MLLT3: variants seen among roughly 807,000 people sequenced by gnomAD.
MLLT3 encodes the protein protein AF-9.
MLLT3 carries 4 observed loss-of-function variants against 53.2 expected under a neutral mutation model. That is an observed-to-expected ratio of 0.08 (90% confidence interval 0.04 to 0.17). MLLT3 has a LOEUF of 0.17. MLLT3 is among the 10% of genes least tolerant of loss of function. The probability of loss-of-function intolerance (pLI) is 1.00; values close to 1 mark genes in which losing one functional copy is unlikely to be tolerated. For missense variants in MLLT3, 569 were observed against 684.0 expected (o/e 0.83, Z 1.87); for synonymous variants, 283 against 230.6 (o/e 1.23, Z -2.06).
At chr9:20,362,528 T>G (rs1271602586) in intron 7 of MLLT3, among the ~76,000 whole-genome samples, 1 of 152,050 alleles carries the variant, frequency 6.6e-6, no homozygotes. Flanking sequence ...ATTCTCCTAT[T>G]TAAAAGGAAT....
At chr9:20,518,506 G>C (rs1301696243) in intron 2 of MLLT3, among the ~76,000 whole-genome samples, 2 of 152,032 alleles carry the variant, frequency 1.3e-5, no homozygotes, top group African/African-American at 4.8e-5. Flanking sequence ...AAAAATAAGT[G>C]GGCAAAATTT....
At position 20,621,929 on chromosome 9, in the gene MLLT3, G is replaced by A; in HGVS notation, c.12+316C>T. On this transcript the variant is annotated intron_variant, in intron 1 of 10. Coordinates refer to ENST00000380338, the MANE Select transcript of MLLT3 (RefSeq NM_004529.4). This position sits in a 1 kb window ranked among gnomAD's most constrained non-coding sequence, Gnocchi z 7.0. ...TGTGTGTGTGTGTGTGTGAGTGCGC[G>A]CGTGTGAGCGAGAGGGAGTGTGTGA... is the stretch of plus-strand genomic sequence containing the variant. The A allele has an allele frequency of 7.2e-7, 1 of 1,384,026 alleles. No homozygotes were observed. 85.7% of individuals were successfully genotyped at this position (1,384,026 alleles called of 1,614,324 possible).
At chr9:20,352,247 G>C (rs534168938) in intron 10 of MLLT3, among the ~76,000 whole-genome samples, 1 of 152,196 alleles carries the variant, frequency 6.6e-6, no homozygotes, top group Admixed American at 6.5e-5. Context: ...CCTCCTATGA[G>C]ACTCACTATT....
chr9:20,402,486 G>C (rs1322678246), intron 5 of MLLT3, among the ~76,000 whole-genome samples: 1 of 152,196 alleles, frequency 6.6e-6, no homozygotes, highest in African/African-American at 2.4e-5. Flanking sequence ...GAACCTGGAG[G>C]GTGGAACGGA....
chr9:20,485,911 T>C (rs1173216307), intron 2 of MLLT3, among the ~76,000 whole-genome samples: 2 of 152,194 alleles, frequency 1.3e-5, no homozygotes, highest in Non-Finnish European at 2.9e-5. Context: ...TATAACAGGG[T>C]TGAGCAAACA....
At chr9:20,472,110 G>C (rs1030994827) in intron 2 of MLLT3, among the ~76,000 whole-genome samples, 3 of 151,932 alleles carry the variant, frequency 2.0e-5, no homozygotes, top group African/African-American at 4.8e-5. Context: ...GCTTCATTTA[G>C]ATAATGTGTT....
intron 4 of MLLT3, among the ~76,000 whole-genome samples, chr9:20,431,771 ATGATATAATCACTCT>A (rs1823276992): frequency 6.6e-6 from 1 of 152,318 alleles, no homozygotes; most frequent in Admixed American, 6.5e-5. Context: ...TACACAACTC[ATGATATAATCACTCT>A]TTGGACTATG....
chr9:20,366,432 T>A (rs969933935), intron 5 of MLLT3, among the ~76,000 whole-genome samples: 3 of 152,090 alleles, frequency 2.0e-5, no homozygotes, highest in African/African-American at 7.2e-5. Flanking sequence ...ATGTTCTTTA[T>A]CCAGTCTATC....
rs1006564038 is a variant in MLLT3 at position 20,342,709 on chromosome 9, C to T, written c.*3734G>A. The T allele has an allele frequency of 1.9e-5, 4 of 208,552 alleles. No homozygotes were observed. Among genetic ancestry groups the T allele is most frequent in the Admixed American group, 1.8e-4 (3 of 16,904 alleles). The allele number at this position is 208,552 out of a possible 1,614,324, so 12.9% of individuals were successfully genotyped here. On this transcript the variant is annotated 3_prime_UTR_variant, in exon 11 of 11. Transcript: ENST00000380338. ...AGGTCAAAAGATGTAGACTTCCAGC[C>T]CGAGACTAAACTAAACCATGGGAAT...
chr9:20,500,752 G>T (rs925175064), intron 2 of MLLT3, among the ~76,000 whole-genome samples: 2 of 151,942 alleles, frequency 1.3e-5, no homozygotes, highest in Non-Finnish European at 2.9e-5. Flanking sequence ...ATTGACTTTG[G>T]TCCTCCAGGT....
chr9:20,478,413 A>T (rs1448385757), intron 2 of MLLT3, among the ~76,000 whole-genome samples: 2 of 152,174 alleles, frequency 1.3e-5, no homozygotes, highest in East Asian at 3.8e-4. Flanking sequence ...AGAGATGCTC[A>T]CTAACCACAG....
intron 2 of MLLT3, among the ~76,000 whole-genome samples, chr9:20,567,081 G>C (rs1250539630): frequency 6.6e-6 from 1 of 150,828 alleles, no homozygotes; most frequent in East Asian, 2.0e-4. Flanking sequence ...TAGAAAGTGG[G>C]TCTGAATTGT....
chr9:20,605,018 T>C (rs1820526416), intron 2 of MLLT3, among the ~76,000 whole-genome samples: 1 of 152,130 alleles, frequency 6.6e-6, no homozygotes, highest in Non-Finnish European at 1.5e-5. Context: ...GAAAACTTTT[T>C]AGCTATTCAA....
chr9:20,494,932 GA>G (rs1249016982), intron 2 of MLLT3, among the ~76,000 whole-genome samples: 1 of 152,094 alleles, frequency 6.6e-6, no homozygotes, highest in African/African-American at 2.4e-5. Context: ...TATGCAAGAT[GA>G]TTTTTTTTCC....
chr9:20,424,563 A>G (rs1290234612), intron 4 of MLLT3, among the ~76,000 whole-genome samples: 1 of 152,206 alleles, frequency 6.6e-6, no homozygotes, highest in Non-Finnish European at 1.5e-5. Flanking sequence ...GGGCCCCTAT[A>G]GGCTGTCATT....
intron 10 of MLLT3, among the ~76,000 whole-genome samples, chr9:20,351,067 T>G (rs1821016036): frequency 6.6e-6 from 1 of 152,146 alleles, no homozygotes; most frequent in Admixed American, 6.5e-5. Flanking sequence ...GCCCTACCCT[T>G]GGTTAAGGGA....
intron 2 of MLLT3, among the ~76,000 whole-genome samples, chr9:20,585,175 T>A (rs2131178818): frequency 6.6e-6 from 1 of 152,282 alleles, no homozygotes; most frequent in South Asian, 2.1e-4. Context: ...CTGTTTCCGG[T>A]GAGGACTCTC....
chr9:20,407,808 G>A (rs992518052), intron 5 of MLLT3, among the ~76,000 whole-genome samples: 5 of 152,074 alleles, frequency 3.3e-5, no homozygotes, highest in African/African-American at 1.2e-4. Flanking sequence ...CTCGAGGGGT[G>A]AATGAGTTAA....
intron 2 of MLLT3, among the ~76,000 whole-genome samples, chr9:20,553,526 T>C (rs1408415710): frequency 6.6e-6 from 1 of 152,192 alleles, no homozygotes; most frequent in African/African-American, 2.4e-5. Context: ...ACAAACACAC[T>C]GAACACCTCC....
Sources: allele counts gnomAD v4.1 joint callset (sites outside exome capture counted in the v4.1 genomes callset), GRCh38; gene constraint gnomAD v4.1.1; non-coding constraint Gnocchi (gnomAD v3.1); transcripts MANE v1.5; gene names NCBI Gene and HGNC (gene_info 2026-07-23, HGNC 2026-07-21).